Variants in NUS1 observed in about 807,000 individuals in gnomAD.
NUS1 encodes the protein NUS1 dehydrodolichyl diphosphate synthase subunit.
For synonymous variants in NUS1, 135 were observed against 155.2 expected (o/e 0.87, Z 0.97); for missense variants, 292 against 382.9 (o/e 0.76, Z 1.98).
intron 2 of NUS1, 133 bp from the exon 3 acceptor site, chr6:117,693,898 G>A: frequency 1.2e-6 from 1 of 853,946 alleles, no homozygotes; most frequent in South Asian, 2.1e-5. Flanking sequence ...TGAAATTGAA[G>A]GGCTTAAAAA....
intron 1 of NUS1, among the ~76,000 whole-genome samples, chr6:117,680,396 A>C (rs557725006): frequency 2.0e-5 from 3 of 152,282 alleles, no homozygotes; most frequent in African/African-American, 7.2e-5. Context: ...ACTTGGCTCC[A>C]AGTTATCTGG....
chr6:117,684,417 T>TC, intron 1 of NUS1, among the ~76,000 whole-genome samples: 1 of 152,226 alleles, frequency 6.6e-6, no homozygotes, highest in Admixed American at 6.5e-5. Context: ...TGTTTTAGTC[T>TC]CCATTGCAGC....
intron 3 of NUS1, among the ~76,000 whole-genome samples, chr6:117,694,682 T>G (rs1452946346): frequency 2.0e-5 from 3 of 152,194 alleles, no homozygotes; most frequent in African/African-American, 7.2e-5. Context: ...TTCAGCTGTT[T>G]AAATAAGCCT....
At chr6:117,681,062 T>G (rs1043777659) in intron 1 of NUS1, among the ~76,000 whole-genome samples, 1 of 152,184 alleles carries the variant, frequency 6.6e-6, no homozygotes, top group Non-Finnish European at 1.5e-5. Flanking sequence ...CTCCCTCTTC[T>G]CCTTTTTCTG....
At position 117,707,630 on chromosome 6, in the gene NUS1, G is replaced by C. The variant is rs974450797; in HGVS notation, c.*615G>C. ...TTAATTGTAGTCAAAAGTATGACTT[G>C]AGAGTGTTGCTCTGGTATTCTGGGT... On this transcript the variant is annotated 3_prime_UTR_variant, in exon 5 of 5. Transcript: ENST00000368494. The C allele has an allele frequency of 1.4e-5, 2 of 138,784 alleles. No individual in the cohort carries two copies. Among genetic ancestry groups the C allele is most frequent in the Non-Finnish European group, 3.1e-5 (2 of 65,038 alleles). 8.6% of individuals were successfully genotyped at this position (138,784 alleles called of 1,614,324 possible).
chr6:117,694,003 A>C, intron 2 of NUS1, 28 bp from the exon 3 acceptor site: 1 of 1,589,878 alleles, frequency 6.3e-7, no homozygotes, highest in Non-Finnish European at 8.6e-7. Flanking sequence ...GAGTGTTTTT[A>C]AAATACATTG....
At chr6:117,686,013 G>A (rs1773133273) in intron 1 of NUS1, among the ~76,000 whole-genome samples, 1 of 149,940 alleles carries the variant, frequency 6.7e-6, no homozygotes, top group Non-Finnish European at 1.5e-5. Context: ...TGTAATCCCA[G>A]CACTTTGGGA....
At chr6:117,679,181 G>A (rs1773026378) in intron 1 of NUS1, among the ~76,000 whole-genome samples, 1 of 152,172 alleles carries the variant, frequency 6.6e-6, no homozygotes, top group Non-Finnish European at 1.5e-5. Context: ...CTAAGTGAAT[G>A]GCAGATACTT....
At chr6:117,692,325 T>C (rs1773234767) in intron 1 of NUS1, among the ~76,000 whole-genome samples, 1 of 152,118 alleles carries the variant, frequency 6.6e-6, no homozygotes, top group African/African-American at 2.4e-5. Flanking sequence ...GAAAGCTGCC[T>C]CTGCAAATTG....
chr6:117,684,816 C>T (rs1348315490), intron 1 of NUS1, among the ~76,000 whole-genome samples: 1 of 151,984 alleles, frequency 6.6e-6, no homozygotes, highest in African/African-American at 2.4e-5. Context: ...AAAAAAACAG[C>T]AAAAAACTTT....
chr6:117,706,098 T>C (rs1773497238), intron 4 of NUS1, among the ~76,000 whole-genome samples: 1 of 152,200 alleles, frequency 6.6e-6, no homozygotes, highest in African/African-American at 2.4e-5. Context: ...ATTCCCACAT[T>C]ATAAAGCTAC....
intron 1 of NUS1, among the ~76,000 whole-genome samples, chr6:117,690,459 T>G (rs1773199428): frequency 1.3e-5 from 2 of 152,186 alleles, no homozygotes; most frequent in Admixed American, 1.3e-4. Flanking sequence ...CCATATTCTT[T>G]CAGCAGACAT....
intron 3 of NUS1, among the ~76,000 whole-genome samples, chr6:117,702,830 C>G (rs1773430623): frequency 6.6e-6 from 1 of 152,140 alleles, no homozygotes; most frequent in South Asian, 2.1e-4. Flanking sequence ...GTATAACAGA[C>G]AAGTTAGTGG....
intron 3 of NUS1, among the ~76,000 whole-genome samples, chr6:117,701,870 G>A (rs143520977): frequency 2.6e-3 from 394 of 150,868 alleles, no homozygotes; most frequent in South Asian, 4.9e-3. Flanking sequence ...TAATTTTTTA[G>A]TCTGGCTTAT....
At chr6:117,683,245 C>T (rs1301646683) in intron 1 of NUS1, among the ~76,000 whole-genome samples, 1 of 152,194 alleles carries the variant, frequency 6.6e-6, no homozygotes, top group Non-Finnish European at 1.5e-5. Context: ...ATTACACATA[C>T]CTGTTCTCTT....
intron 4 of NUS1, 64 bp from the exon 5 acceptor site, chr6:117,706,861 C>T: frequency 7.7e-7 from 1 of 1,291,344 alleles, no homozygotes; most frequent in Non-Finnish European, 1.1e-6. Context: ...TCCTTATCTT[C>T]TGGTTCCCCC....
At chr6:117,679,354 C>T (rs1773029128) in intron 1 of NUS1, among the ~76,000 whole-genome samples, 1 of 152,110 alleles carries the variant, frequency 6.6e-6, no homozygotes, top group Non-Finnish European at 1.5e-5. Flanking sequence ...GCAGCATTCT[C>T]ATTAGACTAG....
chr6:117,693,731 AGCTAGCC>A (rs1344936516), intron 2 of NUS1, among the ~76,000 whole-genome samples: 2 of 152,160 alleles, frequency 1.3e-5, no homozygotes, highest in African/African-American at 4.8e-5. Context: ...AAAATTTGTT[AGCTAGCC>A]TATAAAGTTT....
intron 3 of NUS1, among the ~76,000 whole-genome samples, chr6:117,697,466 A>G (rs1773336236): frequency 6.6e-6 from 1 of 152,104 alleles, no homozygotes; most frequent in African/African-American, 2.4e-5. Flanking sequence ...GGAAAAAGAT[A>G]TTTTATGCCA....
Sources: gnomAD v4.1 joint callset for allele counts (sites outside exome capture counted in the v4.1 genomes callset) on GRCh38, gnomAD v4.1.1 for gene constraint, MANE v1.5 for transcripts, NCBI Gene and HGNC (gene_info 2026-07-23, HGNC 2026-07-21) for gene names.